MYDGF: variants seen among roughly 807,000 people sequenced by gnomAD.
The protein encoded by MYDGF is myeloid-derived growth factor.
MYDGF carries 29 observed loss-of-function variants against 24.2 expected under a neutral mutation model. That is an observed-to-expected ratio of 1.20 (90% confidence interval 0.89 to 1.63). The LOEUF (loss-of-function observed/expected upper bound fraction) is 1.63. Ranked by LOEUF, MYDGF falls within the 40% of genes most tolerant of loss-of-function variation. The pLI, the probability that MYDGF is intolerant of heterozygous loss-of-function variation, is 0.00. For synonymous variants in MYDGF, 105 were observed against 102.5 expected, an observed-to-expected ratio of 1.02 and a Z score of -0.15; for missense variants, 245 against 234.8, an observed-to-expected ratio of 1.04 and a Z score of -0.29.
chr19:4,666,556 G>A (rs948678580), intron 2 of MYDGF, among the ~76,000 whole-genome samples: 2 of 151,900 alleles, frequency 1.3e-5, no homozygotes, highest in African/African-American at 4.8e-5. Flanking sequence ...GATTACAGGC[G>A]TGAGCCACCG....
rs764522107 is a variant in MYDGF at position 4,668,586 on chromosome 19, A to T, written c.225+9T>A. 2 of 1,607,868 alleles carry T rather than the reference A, an allele frequency of 1.2e-6. No individual in the cohort carries two copies. The highest frequency in any genetic ancestry group is 1.7e-5 in the Admixed American group (1 of 59,988). On this transcript the variant is annotated intron_variant, in intron 2 of 5. Coordinates refer to ENST00000262947, the MANE Select transcript of MYDGF (RefSeq NM_019107.4). Reference sequence around the variant, plus strand: ...CACAGTAAGCTAGAGGGAATTTTGAACAACTCACCTCATTGGTCCCTCCTT... The same window carrying T: ...CACAGTAAGCTAGAGGGAATTTTGATCAACTCACCTCATTGGTCCCTCCTT...
rs749431522 is a variant in MYDGF, at chr19:4,668,447, T to C, written c.225+148A>G. 1.1e-5 allele frequency: 7 copies of C among 629,522 alleles called. No individual in the cohort carries two copies. The Admixed American group carries it at 1.7e-4, about 15-fold the overall frequency. The allele number at this position is 629,522 out of a possible 1,614,324, so 39.0% of individuals were successfully genotyped here. A position where few individuals can be genotyped will look rare whatever the true frequency, so the allele number is the denominator to read the frequency against. ...ATCTGTCGTCACTGTTTAATGCCAA[T>C]ACTCTCCCTTTTTATTGGTTTAGGA... On this transcript the variant is annotated intron_variant, in intron 2 of 5. Coordinates refer to ENST00000262947, the MANE Select transcript of MYDGF (RefSeq NM_019107.4).
chr19:4,663,007 CCA>C (rs1332149836), intron 3 of MYDGF, among the ~76,000 whole-genome samples: 1 of 151,530 alleles, frequency 6.6e-6, no homozygotes, highest in East Asian at 1.9e-4. Flanking sequence ...TACACAGCCT[CCA>C]GTCTGTGCCT....
chr19:4,660,511 G>C (rs1280509241), intron 4 of MYDGF, 158 bp downstream of exon 4: 5 of 644,570 alleles, frequency 7.8e-6, no homozygotes, highest in Non-Finnish European at 1.3e-5. Context: ...GGGGGCGTCT[G>C]TGTGCCAGGT....
At chr19:4,669,259 C>T (rs1599841096) in intron 1 of MYDGF, among the ~76,000 whole-genome samples, 1 of 152,118 alleles carries the variant, frequency 6.6e-6, no homozygotes, top group Non-Finnish European at 1.5e-5. Flanking sequence ...GGGTCACCTG[C>T]GGTCAGGAGT....
chr19:4,661,581 A>T (rs1484840280), intron 3 of MYDGF, among the ~76,000 whole-genome samples: 1 of 151,340 alleles, frequency 6.6e-6, no homozygotes, highest in African/African-American at 2.4e-5. Flanking sequence ...AGGTGACAGC[A>T]GGGGATGATG....
chr19:4,659,470 C>T (rs1438602007), intron 5 of MYDGF, among the ~76,000 whole-genome samples: 7 of 151,776 alleles, frequency 4.6e-5, no homozygotes, highest in East Asian at 3.9e-4. Context: ...GTGTTCCGCC[C>T]GCCTCGTCCT....
chr19:4,659,487 G>C (rs1284029414), intron 5 of MYDGF, among the ~76,000 whole-genome samples: 3 of 152,050 alleles, frequency 2.0e-5, no homozygotes, highest in African/African-American at 7.3e-5. Context: ...TCCTCCCAAA[G>C]TGCTGGGATT....
At chr19:4,668,752 GC>G (rs2145190163) in intron 1 of MYDGF, 107 bp from the exon 2 acceptor site, 1 of 875,434 alleles carries the variant, frequency 1.1e-6, no homozygotes, top group Non-Finnish European at 1.9e-6. Context: ...CACAATGACA[GC>G]TCACTGCAGC....
intron 2 of MYDGF, among the ~76,000 whole-genome samples, chr19:4,665,650 T>A (rs987513464): frequency 6.6e-6 from 1 of 151,484 alleles, no homozygotes; most frequent in South Asian, 2.1e-4. Flanking sequence ...TGAAACCCCA[T>A]CTCTACTAAA....
intron 2 of MYDGF, among the ~76,000 whole-genome samples, chr19:4,666,569 C>T (rs78455862): frequency 0.24 from 36,577 of 151,826 alleles, 7,717 homozygotes; most frequent in African/African-American, 0.57. Context: ...AGCCACCGCG[C>T]CCAGCCCAGT....
intron 3 of MYDGF, among the ~76,000 whole-genome samples, chr19:4,660,964 ATTTT>A (rs10718244): frequency 1.0e-5 from 1 of 99,214 alleles, no homozygotes; most frequent in Admixed American, 1.1e-4. Context: ...TTGTGCCAGA[ATTTT>A]TTTTTTTTTT....
chr19:4,660,165 G>A (rs537151247), intron 4 of MYDGF, among the ~76,000 whole-genome samples, 162 bp from the exon 5 acceptor site: 11 of 152,314 alleles, frequency 7.2e-5, no homozygotes, highest in African/African-American at 2.6e-4. Context: ...TCACTCTACT[G>A]TCCAGGCTGG....
At chr19:4,659,225 A>C (rs768944939) in intron 5 of MYDGF, among the ~76,000 whole-genome samples, 31 of 151,368 alleles carry the variant, frequency 2.0e-4, no homozygotes, top group Middle Eastern at 3.2e-3. Context: ...ACAGGTACAC[A>C]CCACCATGCC....
chr19:4,660,047 C>T, intron 4 of MYDGF, 44 bp from the exon 5 acceptor site: 1 of 1,531,836 alleles, frequency 6.5e-7, no homozygotes, highest in Non-Finnish European at 9.0e-7. Context: ...CAGTTCAATG[C>T]TCATCATTAG....
chr19:4,666,831 C>T (rs113754272), intron 2 of MYDGF, among the ~76,000 whole-genome samples: 16,534 of 152,040 alleles, frequency 0.11, 1,128 homozygotes, highest in African/African-American at 0.19. Flanking sequence ...TTTGGGAGGC[C>T]GAGGCAGGCT....
intron 5 of MYDGF, chr19:4,659,725 G>C: frequency 1.7e-6 from 1 of 596,246 alleles, no homozygotes; most frequent in South Asian, 2.0e-5. Context: ...CAGCAGCTTT[G>C]TGCCACAATG....
intron 5 of MYDGF, chr19:4,659,542 T>G (rs1206689864): frequency 2.6e-6 from 1 of 384,972 alleles, no homozygotes; most frequent in African/African-American, 2.1e-5. Context: ...AAAAAAATTT[T>G]GTAGAGACAG....
chr19:4,657,821 C>T lies in MYDGF; in HGVS notation c.*184G>A, dbSNP rs531959267. On this transcript the variant is annotated 3_prime_UTR_variant, in exon 6 of 6. Coordinates refer to ENST00000262947, the MANE Select transcript of MYDGF (RefSeq NM_019107.4). Reference sequence around the variant, plus strand: ...GTTGGGAGCCAGGAGGGCCCTGGACCCTCTGTTCTCTGCCCCAGGGCTTCA... The same window carrying T: ...GTTGGGAGCCAGGAGGGCCCTGGACTCTCTGTTCTCTGCCCCAGGGCTTCA... 1.8e-6 allele frequency: 1 copy of T among 542,122 alleles called. No individual in the cohort carries two copies. Among genetic ancestry groups the T allele is most frequent in the East Asian group, 3.0e-5 (1 of 33,150 alleles). The allele number at this position is 542,122 out of a possible 1,614,324, so 33.6% of individuals were successfully genotyped here.
Sources: gnomAD v4.1 joint callset for allele counts (sites outside exome capture counted in the v4.1 genomes callset) on GRCh38, gnomAD v4.1.1 for gene constraint, MANE v1.5 for transcripts, NCBI Gene and HGNC (gene_info 2026-07-23, HGNC 2026-07-21) for gene names.